The following SOX5 variants were observed in gnomAD, a reference collection of about 807,000 sequenced individuals.
SOX5 encodes the protein SRY-box transcription factor 5, also known as transcription factor SOX-5.
Under a neutral mutation model 92.0 loss-of-function variants are expected in SOX5, and 9 were observed. That is an observed-to-expected ratio of 0.10 (90% CI 0.06 to 0.17). SOX5 has a LOEUF of 0.17. Ranked by LOEUF, SOX5 falls within the 10% of genes least tolerant of loss-of-function variation. The pLI is 1.00. For missense variants in SOX5, 642 were observed against 944.5 expected, an observed-to-expected ratio of 0.68 and a Z score of 4.20; for synonymous variants, 344 against 336.3, an observed-to-expected ratio of 1.02 and a Z score of -0.25.
At chr12:23,943,543 TAC>T (rs1236509581) in intron 1 of SOX5, among the ~76,000 whole-genome samples, 1 of 152,034 alleles carries the variant, frequency 6.6e-6, no homozygotes, top group African/African-American at 2.4e-5. Context: ...TTCACTAAGT[TAC>T]AGAGAAAAAT....
At chr12:23,869,286 G>C (rs1234285441) in intron 2 of SOX5, among the ~76,000 whole-genome samples, 1 of 152,094 alleles carries the variant, frequency 6.6e-6, no homozygotes, top group Non-Finnish European at 1.5e-5. Flanking sequence ...ACAAAATGTA[G>C]TGCAGGTTAT....
At chr12:23,711,153 C>T (rs1413359136) in intron 6 of SOX5, among the ~76,000 whole-genome samples, 2 of 152,074 alleles carry the variant, frequency 1.3e-5, no homozygotes, top group Non-Finnish European at 2.9e-5. Flanking sequence ...TTCTATGTTG[C>T]CTTTTTTTCT....
rs181908768 is a variant in SOX5, at chr12:24,320,768, G to A, written c.-173-43456C>T. Among the ~76,000 whole-genome samples the A allele has an allele frequency of 1.9e-3, 284 of 151,958 alleles. 3 individuals carry two copies. Among genetic ancestry groups the A allele is most frequent in the African/African-American group, 6.5e-3 (269 of 41,428 alleles). ...TAGTCCCAGCTACTCGGGAGGCTGA[G>A]GCAGGAGAATGGCGTGAACCTGGGA... On this transcript the variant is annotated intron_variant, in intron 2 of 4. Coordinates refer to the SOX5 transcript ENST00000446891.
intron 3 of SOX5, among the ~76,000 whole-genome samples, chr12:24,259,236 G>A (rs1371737785): frequency 1.3e-5 from 2 of 152,150 alleles, no homozygotes; most frequent in African/African-American, 4.8e-5. Context: ...GAGAGAGAGA[G>A]CAAGTGAGCG....
At chr12:24,195,880 G>GTGTC (rs2139465865) in intron 4 of SOX5, among the ~76,000 whole-genome samples, 1 of 152,210 alleles carries the variant, frequency 6.6e-6, no homozygotes, top group African/African-American at 2.4e-5. Context: ...CTGTGCATGT[G>GTGTC]TGTGTGTCTG....
At position 23,965,821 on chromosome 12, in the gene SOX5, G is replaced by T. The variant is rs537381269; in HGVS notation, c.-1-69797C>A. On this transcript the variant is annotated intron_variant, in intron 4 of 4. Coordinates refer to the SOX5 transcript ENST00000446891. ...TTTAGTTGAGATGGCGTTTCACTAT[G>T]TTGGCCAGGCTGGTCTTGAACTCCT... Among the ~76,000 whole-genome samples, 4 of 152,098 alleles carry T rather than the reference G, an allele frequency of 2.6e-5. No individual in the cohort carries two copies. In the East Asian group the frequency reaches 7.8e-4, roughly 30 times the overall value.
chr12:24,097,015 T>C (rs1396794641), intron 4 of SOX5, among the ~76,000 whole-genome samples: 5 of 152,164 alleles, frequency 3.3e-5, no homozygotes, highest in Non-Finnish European at 7.4e-5. Flanking sequence ...GGTTCTAATT[T>C]CTCCACATCC....
At chr12:23,791,815 G>T (rs1304222224) in intron 3 of SOX5, among the ~76,000 whole-genome samples, 1 of 151,714 alleles carries the variant, frequency 6.6e-6, no homozygotes, top group African/African-American at 2.4e-5. Context: ...AAACTCCCAA[G>T]GTTTGACAAA....
chr12:24,345,641 T>A (rs1044985293), intron 2 of SOX5, among the ~76,000 whole-genome samples: 1 of 152,226 alleles, frequency 6.6e-6, no homozygotes, highest in African/African-American at 2.4e-5. Flanking sequence ...CGGAAAAGTA[T>A]AAAATTAATA....
intron 3 of SOX5, among the ~76,000 whole-genome samples, chr12:23,832,815 TTTAAA>T (rs1390118053): frequency 6.6e-6 from 1 of 151,814 alleles, no homozygotes; most frequent in African/African-American, 2.4e-5. Context: ...AAACCCTTAC[TTTAAA>T]TTAAAATTTG....
At chr12:24,173,498 C>T (rs1190790362) in intron 4 of SOX5, among the ~76,000 whole-genome samples, 1 of 152,214 alleles carries the variant, frequency 6.6e-6, no homozygotes, top group East Asian at 1.9e-4. Context: ...GATACGCTGG[C>T]CTTTTCTGCT....
intron 3 of SOX5, among the ~76,000 whole-genome samples, chr12:23,825,262 A>G (rs1388323008): frequency 1.3e-5 from 2 of 152,202 alleles, no homozygotes; most frequent in Non-Finnish European, 2.9e-5. Flanking sequence ...TGCGAAGACC[A>G]TGGGAAAAGC....
At chr12:24,346,643 G>GAA (rs1953303831) in intron 2 of SOX5, among the ~76,000 whole-genome samples, 1 of 151,902 alleles carries the variant, frequency 6.6e-6, no homozygotes, top group Non-Finnish European at 1.5e-5. Context: ...AGTAGAGACG[G>GAA]GGCTTCACTA....
chr12:24,044,350 A>G (rs565814495), intron 4 of SOX5, among the ~76,000 whole-genome samples: 3 of 152,342 alleles, frequency 2.0e-5, no homozygotes, highest in African/African-American at 7.2e-5. Context: ...CAATAGAACT[A>G]TGCACAGGGT....
At chr12:24,521,096 C>A (rs150271719) in intron 1 of SOX5, among the ~76,000 whole-genome samples, 5 of 152,246 alleles carry the variant, frequency 3.3e-5, no homozygotes, top group East Asian at 1.9e-4. Context: ...TCTTGTCCCC[C>A]AAGGCTGGAG....
intron 3 of SOX5, among the ~76,000 whole-genome samples, chr12:24,266,409 GTGAAA>G (rs1191621178): frequency 6.6e-6 from 1 of 152,128 alleles, no homozygotes; most frequent in Admixed American, 6.6e-5. Flanking sequence ...TGTGCACTGT[GTGAAA>G]TGGTTCTGGT....
At chr12:23,657,689 A>C (rs1432860651) in intron 7 of SOX5, among the ~76,000 whole-genome samples, 4 of 152,168 alleles carry the variant, frequency 2.6e-5, no homozygotes, top group African/African-American at 9.7e-5. Context: ...GTGGCAACAA[A>C]AATAAAAACT....
intron 3 of SOX5, chr12:23,762,387 C>T (rs1013677481): frequency 4.0e-5 from 15 of 371,144 alleles, no homozygotes; most frequent in African/African-American, 6.2e-5. Flanking sequence ...CCTGCCTGGG[C>T]AATGTAGCAA....
chr12:24,157,876 CCTT>C (rs1055554526), intron 4 of SOX5, among the ~76,000 whole-genome samples: 3 of 152,028 alleles, frequency 2.0e-5, no homozygotes, highest in African/African-American at 2.4e-5. Flanking sequence ...GTTTGCCTCT[CCTT>C]CTTTTACACT....
Sources: gnomAD v4.1 joint callset for allele counts (sites outside exome capture counted in the v4.1 genomes callset) on GRCh38, gnomAD v4.1.1 for gene constraint, MANE v1.5 for transcripts, NCBI Gene and HGNC (gene_info 2026-07-23, HGNC 2026-07-21) for gene names.